The following CNTNAP2 variants were observed in gnomAD, a reference collection of about 807,000 sequenced individuals.
CNTNAP2 encodes contactin associated protein 2.
Under a neutral mutation model 155.2 loss-of-function variants are expected in CNTNAP2, and 98 were observed. The observed-to-expected ratio is 0.63, with a 90% CI of 0.54 to 0.75. The LOEUF (loss-of-function observed/expected upper bound fraction) is 0.75. CNTNAP2 is among the 30% of genes least tolerant of loss of function. The probability of loss-of-function intolerance (pLI) is 0.00; values close to 1 mark genes in which losing one functional copy is unlikely to be tolerated. For missense variants in CNTNAP2, 1,727 were observed against 1,688.1 expected (o/e 1.02, Z -0.40); for synonymous variants, 651 against 631.2 (o/e 1.03, Z -0.47).
chr7:146,302,440 C>T (rs10250552), intron 1 of CNTNAP2, among the ~76,000 whole-genome samples: 12,943 of 152,068 alleles, frequency 0.085, 1,554 homozygotes, highest in African/African-American at 0.27. Flanking sequence ...GAAATATTAA[C>T]AGCTGACACA....
At chr7:146,226,913 ATTACT>A (rs1268141731) in intron 1 of CNTNAP2, among the ~76,000 whole-genome samples, 1 of 152,156 alleles carries the variant, frequency 6.6e-6, no homozygotes, top group Non-Finnish European at 1.5e-5. Context: ...TGTACACTTC[ATTACT>A]TTAAGAAATG....
chr7:147,482,560 T>C (rs1324909695), intron 10 of CNTNAP2, among the ~76,000 whole-genome samples: 1 of 150,688 alleles, frequency 6.6e-6, no homozygotes, highest in Admixed American at 6.6e-5. Context: ...CTACAAAAAA[T>C]ACAAAAAAAT....
At chr7:147,489,109 A>G (rs146339799) in intron 11 of CNTNAP2, among the ~76,000 whole-genome samples, 1 of 152,322 alleles carries the variant, frequency 6.6e-6, no homozygotes, top group Non-Finnish European at 1.5e-5. Context: ...GCAGTGAATG[A>G]CTGGTTTCCA....
intron 11 of CNTNAP2, among the ~76,000 whole-genome samples, chr7:147,504,410 C>T (rs7798856): frequency 0.49 from 73,959 of 151,918 alleles, 18,763 homozygotes; most frequent in Non-Finnish European, 0.57. Context: ...TGTTTTAGTC[C>T]GGGCACAGTG....
rs139392726 is a variant in CNTNAP2 at position 146,138,575 on chromosome 7, G to A, written c.97+21602G>A. On this transcript the variant is annotated intron_variant, in intron 1 of 23. Coordinates refer to ENST00000361727, the MANE Select transcript of CNTNAP2 (RefSeq NM_014141.6). ...TGGGTAAGAAATATAACCTTTGGAC[G>A]TGTAGACCTTGTAGTCCATTTCAGT... Among the ~76,000 whole-genome samples, 75 of 152,188 alleles carry A rather than the reference G, an allele frequency of 4.9e-4. No homozygotes were observed. In the East Asian group the frequency reaches 9.3e-3, roughly 19 times the overall value.
intron 8 of CNTNAP2, among the ~76,000 whole-genome samples, chr7:147,194,611 G>A (rs557992779): frequency 3.9e-5 from 6 of 151,926 alleles, no homozygotes; most frequent in East Asian, 1.9e-4. Flanking sequence ...TTTAATATTC[G>A]CCCTTCTCAC....
At chr7:147,026,040 A>G (rs1251505115) in intron 3 of CNTNAP2, among the ~76,000 whole-genome samples, 4 of 151,972 alleles carry the variant, frequency 2.6e-5, no homozygotes, top group East Asian at 3.9e-4. Context: ...TTGCCTTTTT[A>G]GTAGAGACAG....
intron 15 of CNTNAP2, among the ~76,000 whole-genome samples, chr7:148,040,590 G>A (rs764540234): frequency 1.9e-4 from 29 of 152,270 alleles, no homozygotes; most frequent in African/African-American, 5.8e-4. Flanking sequence ...CCCACACCCC[G>A]CCTTTTTCCT....
chr7:148,050,170 A>G (rs967854174), intron 15 of CNTNAP2, among the ~76,000 whole-genome samples: 8 of 152,168 alleles, frequency 5.3e-5, no homozygotes, highest in African/African-American at 1.4e-4. Context: ...AAACAAACCG[A>G]AACATTAAGT....
intron 10 of CNTNAP2, among the ~76,000 whole-genome samples, chr7:147,447,842 A>T (rs1039415113): frequency 1.3e-5 from 2 of 151,958 alleles, no homozygotes; most frequent in African/African-American, 2.4e-5. Flanking sequence ...TTAATGAGGC[A>T]TTATGGAAAT....
At chr7:146,927,849 T>C (rs1487985203) in intron 3 of CNTNAP2, among the ~76,000 whole-genome samples, 1 of 151,790 alleles carries the variant, frequency 6.6e-6, no homozygotes, top group Non-Finnish European at 1.5e-5. Flanking sequence ...GTAAATGGAA[T>C]AATCAGGACA....
chr7:148,322,797 G>GTT (rs71899726), intron 21 of CNTNAP2, among the ~76,000 whole-genome samples: 7,996 of 135,364 alleles, frequency 0.059, 704 homozygotes, highest in African/African-American at 0.19. Context: ...GTTTTTTGGG[G>GTT]TTTTTTTTTT....
chr7:148,395,304 T>C (rs1259316742), intron 22 of CNTNAP2, among the ~76,000 whole-genome samples: 1 of 152,126 alleles, frequency 6.6e-6, no homozygotes, highest in African/African-American at 2.4e-5. Flanking sequence ...TCCTTCTTGG[T>C]GGGGTGTGTG....
intron 15 of CNTNAP2, among the ~76,000 whole-genome samples, chr7:148,054,881 C>CTTT (rs372468541): frequency 4.4e-5 from 6 of 136,880 alleles, no homozygotes; most frequent in Admixed American, 7.4e-5. Flanking sequence ...TAATAGGAAT[C>CTTT]TTTTTTTTTT....
intron 13 of CNTNAP2, among the ~76,000 whole-genome samples, chr7:147,736,894 T>C (rs1796858027): frequency 6.6e-6 from 1 of 152,230 alleles, no homozygotes; most frequent in Non-Finnish European, 1.5e-5. Flanking sequence ...AGGACTTCTC[T>C]GCATTGGTTA....
chr7:148,140,479 A>C (rs1322736427), intron 16 of CNTNAP2, among the ~76,000 whole-genome samples: 1 of 145,670 alleles, frequency 6.9e-6, no homozygotes, highest in Non-Finnish European at 1.5e-5. Flanking sequence ...TGGAGTGTGC[A>C]ATGGCACCAT....
At chr7:147,476,349 C>G (rs1195943281) in intron 10 of CNTNAP2, among the ~76,000 whole-genome samples, 3 of 149,966 alleles carry the variant, frequency 2.0e-5, no homozygotes, top group Admixed American at 6.6e-5. Context: ...TCATGATCCG[C>G]CCACCTCAGC....
chr7:147,804,309 G>A (rs2116596343), intron 13 of CNTNAP2, among the ~76,000 whole-genome samples: 1 of 152,254 alleles, frequency 6.6e-6, no homozygotes, highest in Non-Finnish European at 1.5e-5. Flanking sequence ...TGAAAACTGT[G>A]GTGACATCTA....
At chr7:146,488,823 G>C (rs1224460302) in intron 1 of CNTNAP2, among the ~76,000 whole-genome samples, 2 of 151,996 alleles carry the variant, frequency 1.3e-5, no homozygotes, top group Non-Finnish European at 2.9e-5. Context: ...GTTTCTCCAC[G>C]TTGCCCAGGC....
Sources: gnomAD v4.1 joint callset for allele counts (sites outside exome capture counted in the v4.1 genomes callset) on GRCh38, gnomAD v4.1.1 for gene constraint, MANE v1.5 for transcripts, NCBI Gene and HGNC (gene_info 2026-07-23, HGNC 2026-07-21) for gene names.